Variants in SKAP1 observed in about 807,000 individuals in gnomAD.
SKAP1 encodes src kinase-associated phosphoprotein 1.
A neutral mutation model predicts 58.5 loss-of-function variants in SKAP1; 44 were observed. That is an observed-to-expected ratio of 0.75 (90% confidence interval 0.59 to 0.97). The LOEUF is 0.97. Ranked by LOEUF, SKAP1 falls within the 50% of genes least tolerant of loss-of-function variation. SKAP1 has a pLI of 0.00. For synonymous variants in SKAP1, 127 were observed against 149.7 expected, an observed-to-expected ratio of 0.85 and a Z score of 1.11; for missense variants, 390 against 435.2, an observed-to-expected ratio of 0.90 and a Z score of 0.92.
chr17:48,311,155 G>A (rs972812591), intron 4 of SKAP1, among the ~76,000 whole-genome samples: 4 of 152,084 alleles, frequency 2.6e-5, no homozygotes, highest in Admixed American at 6.6e-5. Context: ...ATCTGTTCCC[G>A]TCTCGGAGTA....
At chr17:48,137,122 T>C (rs1598351091) in intron 12 of SKAP1, 107 bp downstream of exon 12, 2 of 640,742 alleles carry the variant, frequency 3.1e-6, no homozygotes, top group Non-Finnish European at 5.5e-6. Context: ...GTATGAGAAA[T>C]GAAGAAAAGC....
intron 4 of SKAP1, among the ~76,000 whole-genome samples, chr17:48,278,156 C>G (rs2065722816): frequency 6.6e-6 from 1 of 152,140 alleles, no homozygotes; most frequent in Admixed American, 6.5e-5. Context: ...CTTCTTTGTT[C>G]TCTCTTCTCT....
intron 9 of SKAP1, among the ~76,000 whole-genome samples, chr17:48,172,598 G>A (rs2064231831): frequency 6.6e-6 from 1 of 152,118 alleles, no homozygotes; most frequent in African/African-American, 2.4e-5. Context: ...GGTATAGTAA[G>A]CAATGTTTTG....
intron 1 of SKAP1, among the ~76,000 whole-genome samples, chr17:48,402,054 C>A (rs1376346420): frequency 6.6e-6 from 1 of 152,086 alleles, no homozygotes; most frequent in African/African-American, 2.4e-5. Context: ...CAGGGAAATG[C>A]AAATCAAAAT....
intron 8 of SKAP1, among the ~76,000 whole-genome samples, chr17:48,181,879 A>G (rs965382876): frequency 1.3e-5 from 2 of 151,920 alleles, no homozygotes; most frequent in Non-Finnish European, 2.9e-5. Flanking sequence ...TTCAGGCAGG[A>G]CTCTTCCCAT....
At chr17:48,355,175 G>C (rs2066859268) in intron 3 of SKAP1, among the ~76,000 whole-genome samples, 1 of 152,190 alleles carries the variant, frequency 6.6e-6, no homozygotes, top group African/African-American at 2.4e-5. Context: ...ACGAAAATCT[G>C]AAGTTCTGTG....
At chr17:48,439,996 C>T in the SKAP1 span, among the ~76,000 whole-genome samples, 1 of 152,180 alleles carries the variant, frequency 6.6e-6, no homozygotes, top group South Asian at 2.1e-4. Context: ...TTCATCTCTT[C>T]CCCTTCCTCT....
At chr17:48,142,082 C>G (rs1649503673) in intron 11 of SKAP1, among the ~76,000 whole-genome samples, 1 of 152,186 alleles carries the variant, frequency 6.6e-6, no homozygotes, top group South Asian at 2.1e-4. Flanking sequence ...TTGGAAAGTT[C>G]TGAGGACTGG....
chr17:48,287,036 C>A (rs913899614), intron 4 of SKAP1, among the ~76,000 whole-genome samples: 1 of 152,074 alleles, frequency 6.6e-6, no homozygotes, highest in African/African-American at 2.4e-5. Flanking sequence ...GTGGAGGTTG[C>A]AGTGAGCCAA....
intron 1 of SKAP1, among the ~76,000 whole-genome samples, chr17:48,400,602 T>C (rs1208783074): frequency 6.6e-6 from 1 of 151,668 alleles, no homozygotes; most frequent in Non-Finnish European, 1.5e-5. Flanking sequence ...ATACAAAAAT[T>C]AGCCAGGCAT....
At chr17:48,217,646 T>A (rs968057861) in intron 4 of SKAP1, among the ~76,000 whole-genome samples, 4 of 151,986 alleles carry the variant, frequency 2.6e-5, no homozygotes, top group African/African-American at 9.7e-5. Flanking sequence ...ATATTGTCTC[T>A]AAATAAATAA....
At chr17:48,274,197 C>T (rs186800781) in intron 4 of SKAP1, among the ~76,000 whole-genome samples, 3 of 151,888 alleles carry the variant, frequency 2.0e-5, no homozygotes, top group Admixed American at 2.0e-4. Context: ...GAGTTTGAGA[C>T]CAGCCTGACC....
At chr17:48,252,247 A>C (rs185871275) in intron 4 of SKAP1, among the ~76,000 whole-genome samples, 74 of 152,310 alleles carry the variant, frequency 4.9e-4, no homozygotes, top group African/African-American at 1.6e-3. Context: ...AGAGAAACAC[A>C]AGGAGAGAGA....
intron 4 of SKAP1, among the ~76,000 whole-genome samples, chr17:48,217,143 C>G (rs1457715302): frequency 6.6e-6 from 1 of 152,124 alleles, no homozygotes; most frequent in African/African-American, 2.4e-5. Flanking sequence ...CTTCTTCATA[C>G]TGATCTCATT....
At chr17:48,285,952 C>T (rs2065824957) in intron 4 of SKAP1, among the ~76,000 whole-genome samples, 4 of 152,186 alleles carry the variant, frequency 2.6e-5, no homozygotes, top group Admixed American at 2.6e-4. Flanking sequence ...GTAATATCTA[C>T]TTTACAGAAT....
At chr17:48,342,578 T>G (rs1037145731) in intron 4 of SKAP1, among the ~76,000 whole-genome samples, 1 of 152,232 alleles carries the variant, frequency 6.6e-6, no homozygotes, top group Non-Finnish European at 1.5e-5. Flanking sequence ...AAATTATGGG[T>G]GGATGGGCCC....
the SKAP1 span, among the ~76,000 whole-genome samples, chr17:48,440,031 C>T: frequency 2.6e-5 from 4 of 152,282 alleles, no homozygotes; most frequent in Non-Finnish European, 2.9e-5. Flanking sequence ...AGCACCAGGA[C>T]GCGGGCTGGT....
chr17:48,372,930 T>C (rs1009445574), intron 2 of SKAP1, among the ~76,000 whole-genome samples: 1 of 152,200 alleles, frequency 6.6e-6, no homozygotes, highest in African/African-American at 2.4e-5. Context: ...ATTACAGGCA[T>C]GAGCCACTAT....
chr17:48,208,980 A>C (rs1231864386), intron 4 of SKAP1, among the ~76,000 whole-genome samples: 1 of 152,190 alleles, frequency 6.6e-6, no homozygotes, highest in Non-Finnish European at 1.5e-5. Context: ...ATGGATGCTT[A>C]CTTCTCCTAA....
Sources: allele counts gnomAD v4.1 joint callset (sites outside exome capture counted in the v4.1 genomes callset), GRCh38; gene constraint gnomAD v4.1.1; transcripts MANE v1.5; gene names NCBI Gene and HGNC (gene_info 2026-07-23, HGNC 2026-07-21).